Variants in PLCH1 observed in about 807,000 individuals in gnomAD.
The protein encoded by PLCH1 is 1-phosphatidylinositol 4,5-bisphosphate phosphodiesterase eta-1.
In PLCH1, 60 loss-of-function variants were observed where a neutral mutation model predicts 126.7. The ratio of observed to expected loss-of-function variants is 0.47; its 90% CI spans 0.38 to 0.59. PLCH1 has a LOEUF of 0.59. Ranked by LOEUF, PLCH1 falls within the 20% of genes least tolerant of loss-of-function variation. PLCH1 has a pLI of 0.00. For missense variants in PLCH1, 1,723 were observed against 2,040.0 expected (o/e 0.84, Z 2.99); for synonymous variants, 719 against 734.9 (o/e 0.98, Z 0.35).
chr3:155,451,612 C>G (rs976335997), intron 21 of PLCH1, among the ~76,000 whole-genome samples: 2 of 152,116 alleles, frequency 1.3e-5, no homozygotes, highest in Non-Finnish European at 2.9e-5. Context: ...GCAATGTGTG[C>G]GGGCCTCTTT....
At chr3:155,585,299 C>T (rs1052273967) in intron 5 of PLCH1, among the ~76,000 whole-genome samples, 6 of 152,156 alleles carry the variant, frequency 3.9e-5, no homozygotes, top group African/African-American at 1.4e-4. Context: ...TATTGCCCTC[C>T]TATGCTTATT....
chr3:155,469,381 G>A (rs186123928), intron 21 of PLCH1, among the ~76,000 whole-genome samples: 1 of 152,324 alleles, frequency 6.6e-6, no homozygotes, highest in East Asian at 1.9e-4. Context: ...CCTAAAAAAC[G>A]GTGCACCACG....
intron 1 of PLCH1, among the ~76,000 whole-genome samples, chr3:155,709,774 T>C (rs1158684966): frequency 6.6e-6 from 1 of 152,070 alleles, no homozygotes; most frequent in Non-Finnish European, 1.5e-5. Flanking sequence ...TGAACCACCA[T>C]GTCTGGCTAA....
chr3:155,492,978 C>A, intron 17 of PLCH1, 125 bp from the exon 18 acceptor site: 1 of 832,478 alleles, frequency 1.2e-6, no homozygotes. Flanking sequence ...ACATAACTAT[C>A]AGTGTGGCAT....
intron 16 of PLCH1, 26 bp from the exon 17 acceptor site, chr3:155,494,274 A>G (rs1716679078): frequency 6.2e-7 from 1 of 1,611,002 alleles, no homozygotes; most frequent in Non-Finnish European, 8.5e-7. Context: ...GTGGGAGAGA[A>G]TTAGGCAAGA....
At chr3:155,557,153 A>G (rs1726926753) in intron 8 of PLCH1, among the ~76,000 whole-genome samples, 1 of 152,304 alleles carries the variant, frequency 6.6e-6, no homozygotes, top group East Asian at 1.9e-4. Context: ...TATCAACAAC[A>G]TCTTCTCACA....
At chr3:155,483,105 G>T in intron 22 of PLCH1, 54 bp from the exon 23 acceptor site, 2 of 1,450,814 alleles carry the variant, frequency 1.4e-6, no homozygotes, top group Non-Finnish European at 1.9e-6. Context: ...TGTAGGACCT[G>T]CAAACACTCA....
At chr3:155,652,304 T>C (rs1740796903) in intron 2 of PLCH1, among the ~76,000 whole-genome samples, 1 of 152,142 alleles carries the variant, frequency 6.6e-6, no homozygotes, top group Non-Finnish European at 1.5e-5. Flanking sequence ...ATTTGCACAG[T>C]ATCATTTATC....
chr3:155,470,498 C>T (rs1713160152), intron 21 of PLCH1, among the ~76,000 whole-genome samples: 1 of 152,162 alleles, frequency 6.6e-6, no homozygotes, highest in African/African-American at 2.4e-5. Flanking sequence ...TTGGAAAACA[C>T]TCTGCAGGAT....
At chr3:155,483,303 T>G in intron 22 of PLCH1, 4 of 1,353,550 alleles carry the variant, frequency 3.0e-6, no homozygotes, top group Non-Finnish European at 4.1e-6. Flanking sequence ...ATATTCATTG[T>G]CAAAAAAATG....
Position 155,492,855 on chromosome 3 carries a change from T to G in PLCH1, c.2183-2A>C. On this transcript the variant is annotated splice_acceptor_variant, in intron 17 of 22. Transcript: ENST00000460012. LOFTEE classifies it high-confidence loss of function. Reference sequence around the variant, plus strand: ...CACCAGAGAAAGGGTTGAAAGTACCTAGGCCAAGTAAAGTATAAGTTGGTA... The same window carrying G: ...CACCAGAGAAAGGGTTGAAAGTACCGAGGCCAAGTAAAGTATAAGTTGGTA... The G allele has an allele frequency of 6.3e-7, 1 of 1,588,336 alleles. No individual in the cohort carries two copies. Among genetic ancestry groups the G allele is most frequent in the Non-Finnish European group, 8.6e-7 (1 of 1,169,240 alleles).
chr3:155,587,530 C>T (rs1731544831), intron 4 of PLCH1, among the ~76,000 whole-genome samples: 1 of 152,216 alleles, frequency 6.6e-6, no homozygotes, highest in South Asian at 2.1e-4. Context: ...GCTTCTCTTC[C>T]TATTACTGGC....
intron 1 of PLCH1, among the ~76,000 whole-genome samples, chr3:155,735,817 C>A (rs1230578452): frequency 1.3e-5 from 2 of 151,998 alleles, no homozygotes; most frequent in Non-Finnish European, 2.9e-5. Flanking sequence ...TTTAAGGAAG[C>A]TCTTATATGC....
rs181218054 is a variant in PLCH1 at position 155,485,622 on chromosome 3, C to G, written c.2708G>C (p.Arg903Pro). ...SENNSHYVRK[R>P]SIGDRILRRT... is the part of the protein sequence containing the mutation. ...TCGCAGAATTCTATCTCCAATGGAT[C>G]GCTTCCGTACATAATGGGAATTGTT... Residue 903 changes from arginine to proline, a missense_variant, in exon 22 of 23, where the codon CGA becomes CCA. Coordinates refer to ENST00000460012, the MANE Select transcript of PLCH1 (RefSeq NM_014996.4). 1 of 1,612,930 alleles carries G rather than the reference C, an allele frequency of 6.2e-7. No individual in the cohort carries two copies. The highest frequency in any genetic ancestry group is 1.7e-5 in the Admixed American group (1 of 60,022).
intron 2 of PLCH1, among the ~76,000 whole-genome samples, chr3:155,651,974 T>C (rs1374594203): frequency 6.6e-6 from 1 of 152,258 alleles, no homozygotes; most frequent in East Asian, 1.9e-4. Context: ...ACTATGTAAG[T>C]TCTGCCTCAG....
intron 2 of PLCH1, among the ~76,000 whole-genome samples, chr3:155,668,726 C>T (rs1743070269): frequency 6.6e-6 from 1 of 151,992 alleles, no homozygotes; most frequent in South Asian, 2.1e-4. Context: ...AACCTTGTCT[C>T]TACTAAAAAT....
At chr3:155,680,513 C>T (rs1325405766) in intron 2 of PLCH1, among the ~76,000 whole-genome samples, 2 of 152,124 alleles carry the variant, frequency 1.3e-5, no homozygotes, top group Admixed American at 1.3e-4. Context: ...TCCAGTCACA[C>T]CCAGCTACCA....
At chr3:155,514,967 T>C (rs1720112487) in intron 11 of PLCH1, 83 bp from the exon 12 acceptor site, 1 of 844,124 alleles carries the variant, frequency 1.2e-6, no homozygotes, top group Admixed American at 3.2e-5. Flanking sequence ...CCACAATTGC[T>C]TCTATAATTT....
intron 2 of PLCH1, among the ~76,000 whole-genome samples, chr3:155,669,578 T>C (rs1743186110): frequency 6.6e-6 from 1 of 152,220 alleles, no homozygotes; most frequent in African/African-American, 2.4e-5. Flanking sequence ...TATGTTCTTA[T>C]TCTCTCATTT....
Sources: gnomAD v4.1 joint callset for allele counts (sites outside exome capture counted in the v4.1 genomes callset) on GRCh38, gnomAD v4.1.1 for gene constraint, MANE v1.5 for transcripts, NCBI Gene and HGNC (gene_info 2026-07-23, HGNC 2026-07-21) for gene names.